Variants in TENM4 observed in about 807,000 individuals in gnomAD.
TENM4 encodes teneurin-4.
Under a neutral mutation model 243.3 loss-of-function variants are expected in TENM4, and 82 were observed. That is an observed-to-expected ratio of 0.34 (90% CI 0.28 to 0.40). The LOEUF (loss-of-function observed/expected upper bound fraction) is 0.40. Ranked by LOEUF, TENM4 falls within the 10% of genes least tolerant of loss-of-function variation. TENM4 has a pLI of 1.00. For missense variants in TENM4, 3,138 were observed against 3,673.3 expected, an observed-to-expected ratio of 0.85 and a Z score of 3.77; for synonymous variants, 1,412 against 1,456.3, an observed-to-expected ratio of 0.97 and a Z score of 0.69.
chr11:78,810,609 C>T (rs1241472086), intron 14 of TENM4, among the ~76,000 whole-genome samples: 1 of 152,174 alleles, frequency 6.6e-6, no homozygotes, highest in African/African-American at 2.4e-5. Flanking sequence ...CTCAGACAGC[C>T]CAAAGTAATC....
Position 78,805,277 on chromosome 11 carries a change from T to TGCCCCCCCCCCCCCCCCCCCCCCCCCCC in TENM4, c.2179+14_2179+15insGGGGGGGGGGGGGGGGGGGGGGGGGGGC. 7.1e-7 allele frequency: 1 copy of TGCCCCCCCCCCCCCCCCCCCCCCCCCCC among 1,402,550 alleles called. No homozygotes were observed. Among genetic ancestry groups the TGCCCCCCCCCCCCCCCCCCCCCCCCCCC allele is most frequent in the Non-Finnish European group, 9.7e-7 (1 of 1,033,116 alleles). 86.9% of individuals were successfully genotyped at this position (1,402,550 alleles called of 1,614,324 possible). ...CCCCTCCCTCTACCCATGCTTCTTC[T>TGCCCCCCCCCCCCCCCCCCCCCCCCCCC]CCCCCTGCATTTACCGATAGAACAG... On this transcript the variant is annotated intron_variant, in intron 15 of 33. Transcript: ENST00000278550.
intron 6 of TENM4, among the ~76,000 whole-genome samples, chr11:78,941,802 C>G (rs936723408): frequency 6.6e-6 from 1 of 152,246 alleles, no homozygotes; most frequent in African/African-American, 2.4e-5. Context: ...TGACACAACA[C>G]AGGCTGCATT....
intron 6 of TENM4, among the ~76,000 whole-genome samples, chr11:78,948,659 C>T (rs376662130): frequency 1.3e-5 from 2 of 152,206 alleles, no homozygotes; most frequent in South Asian, 4.1e-4. Context: ...GCGTGAGCCA[C>T]TGCGCCCGGC....
At chr11:79,128,226 C>T (rs953106512) in intron 4 of TENM4, among the ~76,000 whole-genome samples, 2 of 152,296 alleles carry the variant, frequency 1.3e-5, no homozygotes, top group Non-Finnish European at 2.9e-5. Context: ...GCATCTTCTG[C>T]AGATAACTAC....
At chr11:79,355,489 C>T (rs556283471) in intron 1 of TENM4, among the ~76,000 whole-genome samples, 16 of 152,274 alleles carry the variant, frequency 1.1e-4, no homozygotes, top group African/African-American at 2.9e-4. Context: ...ACCGAGATCA[C>T]GCCACTACAC....
At chr11:79,035,504 T>TA (rs1291509108) in intron 6 of TENM4, among the ~76,000 whole-genome samples, 1 of 148,900 alleles carries the variant, frequency 6.7e-6, no homozygotes, top group Non-Finnish European at 1.5e-5. Flanking sequence ...ACAAGGGATA[T>TA]ACATTCCTTG....
At chr11:79,153,746 TC>T (rs1862552158) in intron 3 of TENM4, among the ~76,000 whole-genome samples, 1 of 152,106 alleles carries the variant, frequency 6.6e-6, no homozygotes, top group Non-Finnish European at 1.5e-5. Flanking sequence ...CATGCAAGGT[TC>T]CCCTGACACC....
At chr11:78,732,795 G>T (rs567678581) in intron 20 of TENM4, among the ~76,000 whole-genome samples, 1 of 152,290 alleles carries the variant, frequency 6.6e-6, no homozygotes, top group South Asian at 2.1e-4. Flanking sequence ...TTCACATAGA[G>T]AATTTGCTGA....
chr11:78,678,063 G>A (rs993555187), intron 29 of TENM4, among the ~76,000 whole-genome samples: 1 of 41,738 alleles, frequency 2.4e-5, no homozygotes, highest in African/African-American at 9.6e-5. Flanking sequence ...TGAGAATGAT[G>A]GTTTCCAATT....
intron 1 of TENM4, among the ~76,000 whole-genome samples, chr11:79,327,120 T>C (rs1455414477): frequency 1.3e-5 from 2 of 152,096 alleles, no homozygotes; most frequent in East Asian, 1.9e-4. Context: ...CAGACATTTT[T>C]CCCCCAGCCT....
chr11:78,974,447 G>A (rs1857607458), intron 6 of TENM4, among the ~76,000 whole-genome samples: 1 of 152,200 alleles, frequency 6.6e-6, no homozygotes, highest in Admixed American at 6.5e-5. Flanking sequence ...AAGGGGCCAA[G>A]TGGGGCTCCA....
chr11:79,138,332 A>AT (rs1491256230), intron 4 of TENM4, among the ~76,000 whole-genome samples: 4 of 75,978 alleles, frequency 5.3e-5, no homozygotes, highest in East Asian at 2.7e-4. Context: ...TATATATATT[A>AT]TATATATAAT....
chr11:79,131,856 A>C (rs1368503116), intron 4 of TENM4, among the ~76,000 whole-genome samples: 2 of 152,186 alleles, frequency 1.3e-5, no homozygotes, highest in African/African-American at 4.8e-5. Context: ...CATTTCATAC[A>C]AATGGACACC....
rs529961353 is a variant in TENM4 at position 79,242,684 on chromosome 11, A to G, written c.-264-26775T>C. Among the ~76,000 whole-genome samples, 5 of 152,324 alleles carry G rather than the reference A, an allele frequency of 3.3e-5. No homozygotes were observed. In the South Asian group the frequency reaches 8.3e-4, roughly 25 times the overall value. On this transcript the variant is annotated intron_variant, in intron 2 of 33. Coordinates refer to ENST00000278550, the MANE Select transcript of TENM4 (RefSeq NM_001098816.3). ...GAATGAACCATAATTTACCTAACCA[A>G]TTCCCTAAAGTGGAGCATTTAGTGG...
chr11:79,192,715 CCT>C (rs1863542329), intron 3 of TENM4, among the ~76,000 whole-genome samples: 1 of 151,706 alleles, frequency 6.6e-6, no homozygotes, highest in Non-Finnish European at 1.5e-5. Flanking sequence ...GCCAAATCCC[CCT>C]CTGTGAGAAA....
At chr11:79,146,677 GAGAA>G (rs1565223679) in intron 4 of TENM4, among the ~76,000 whole-genome samples, 1 of 151,972 alleles carries the variant, frequency 6.6e-6, no homozygotes, top group East Asian at 1.9e-4. Flanking sequence ...CTAACCAAGG[GAGAA>G]AGACTCTCCC....
At chr11:79,313,311 G>C (rs771079063) in intron 1 of TENM4, among the ~76,000 whole-genome samples, 17 of 152,124 alleles carry the variant, frequency 1.1e-4, no homozygotes, top group Non-Finnish European at 1.9e-4. Flanking sequence ...TCCAGCTGAG[G>C]GTTCTGAAGA....
At position 78,805,501 on chromosome 11, in the gene TENM4, T is replaced by C. The variant is rs377555328; in HGVS notation, c.1979-9A>G. 6.4e-7 allele frequency: 1 copy of C among 1,566,914 alleles called. No homozygotes were observed. Among genetic ancestry groups the C allele is most frequent in the South Asian group, 1.2e-5 (1 of 85,164 alleles). Reference sequence around the variant, plus strand: ...GGGGTCCATGCAGTCCACTGTGAGATGGAGGAAGGAGAACATAGGTAAGCA... The same window carrying C: ...GGGGTCCATGCAGTCCACTGTGAGACGGAGGAAGGAGAACATAGGTAAGCA... On this transcript the variant is annotated splice_polypyrimidine_tract_variant and intron_variant, in intron 14 of 33. Coordinates refer to ENST00000278550, the MANE Select transcript of TENM4 (RefSeq NM_001098816.3).
chr11:78,843,690 T>C (rs975941516), intron 12 of TENM4, among the ~76,000 whole-genome samples: 16 of 152,186 alleles, frequency 1.1e-4, no homozygotes, highest in African/African-American at 3.9e-4. Flanking sequence ...GCCAAATTTA[T>C]AAGAACAAAT....
Sources: allele counts gnomAD v4.1 joint callset (sites outside exome capture counted in the v4.1 genomes callset), GRCh38; gene constraint gnomAD v4.1.1; transcripts MANE v1.5; gene names NCBI Gene and HGNC (gene_info 2026-07-23, HGNC 2026-07-21).